OR6F1: variants seen among roughly 807,000 people sequenced by gnomAD.
OR6F1 encodes olfactory receptor 6F1.
For missense variants in OR6F1, 346 were observed against 376.0 expected (o/e 0.92, Z 0.66); for synonymous variants, 144 against 150.0 (o/e 0.96, Z 0.29).
At chr1:247,715,390 T>C (rs1660087965) in intron 1 of OR6F1, among the ~76,000 whole-genome samples, 2 of 152,212 alleles carry the variant, frequency 1.3e-5, no homozygotes, top group Admixed American at 6.5e-5. Flanking sequence ...TCAAAAATCA[T>C]TTTGATAACT....
At chr1:247,713,067 T>C (rs982073003) in intron 2 of OR6F1, among the ~76,000 whole-genome samples, 1 of 152,184 alleles carries the variant, frequency 6.6e-6, no homozygotes, top group Non-Finnish European at 1.5e-5. Flanking sequence ...AAGATTCAAC[T>C]CCAGTCTTTC....
Position 247,711,624 on chromosome 1 carries a change from G to T in OR6F1, c.*205C>A. ...CTAATTCAATGTATAATTATTTTTTGCTTAAAAATCCCATTTGCTTATGTC... is the reference window on the plus strand; with the variant it reads ...CTAATTCAATGTATAATTATTTTTTTCTTAAAAATCCCATTTGCTTATGTC... On this transcript the variant is annotated 3_prime_UTR_variant, in exon 3 of 3. Transcript: ENST00000641470. The T allele has an allele frequency of 6.6e-6, 3 of 452,682 alleles. No homozygotes were observed. Among genetic ancestry groups the T allele is most frequent in the South Asian group, 4.4e-5 (1 of 22,584 alleles). The allele number at this position is 452,682 out of a possible 1,614,324, so 28.0% of individuals were successfully genotyped here.
rs998901479 is a variant in OR6F1, at chr1:247,716,491, A to G, written c.-287T>C. On this transcript the variant is annotated 5_prime_UTR_variant, in exon 1 of 3. Coordinates refer to ENST00000641470, the MANE Select transcript of OR6F1 (RefSeq NM_001005286.2). ...TTTTCTTTGATTATCTTGCTGTTTAATAGTGTGCTTCCTTCGGTTGACATC... is the reference window on the plus strand; with the variant it reads ...TTTTCTTTGATTATCTTGCTGTTTAGTAGTGTGCTTCCTTCGGTTGACATC... 1.3e-5 allele frequency: 2 copies of G among 152,012 alleles called. No individual in the cohort carries two copies. The highest frequency in any genetic ancestry group is 4.8e-5 in the African/African-American group (2 of 41,380). The allele number at this position is 152,012 out of a possible 1,614,324, so 9.4% of individuals were successfully genotyped here. A position where few individuals can be genotyped will look rare whatever the true frequency, so the allele number is the denominator to read the frequency against.
chr1:247,712,435 T>C lies in OR6F1; in HGVS notation c.321A>G (p.Leu107=). The C allele has an allele frequency of 6.2e-7, 1 of 1,613,956 alleles. No homozygotes were observed. The highest frequency in any genetic ancestry group is 8.5e-7 in the Non-Finnish European group (1 of 1,179,782). Residue 107 remains leucine (L), a synonymous_variant, in exon 3 of 3, where the codon TTA becomes TTG. Coordinates refer to ENST00000641470, the MANE Select transcript of OR6F1 (RefSeq NM_001005286.2). Reference sequence around the variant, plus strand: ...CCAGGAGGAAGTACTCTGTGCAGCCTAATGAGAAAACAAAGTACATCTGCA... The same window carrying C: ...CCAGGAGGAAGTACTCTGTGCAGCCCAATGAGAAAACAAAGTACATCTGCA... ...CLLQMYFVFS[L]GCTEYFLLAA... is the part of the protein sequence containing the mutation.
Position 247,712,814 on chromosome 1 carries a change from A to G in OR6F1, c.-59T>C. On this transcript the variant is annotated 5_prime_UTR_variant, in exon 3 of 3. Coordinates refer to ENST00000641470, the MANE Select transcript of OR6F1 (RefSeq NM_001005286.2). ...ACTGAGCCCTTTAACCCAATCACAC[A>G]GTCCTAGAAAGATAAAAAGAATGGA... 1.2e-6 allele frequency: 1 copy of G among 821,152 alleles called. No homozygotes were observed. Among genetic ancestry groups the G allele is most frequent in the South Asian group, 1.8e-5 (1 of 56,692 alleles). 50.9% of individuals were successfully genotyped at this position (821,152 alleles called of 1,614,324 possible).
In OR6F1 at chr1:247,712,631, T is replaced by C. The variant is rs746766917; in HGVS notation, c.125A>G (p.Asn42Ser). 4 of 1,613,874 alleles carry C rather than the reference T, an allele frequency of 2.5e-6. No individual in the cohort carries two copies. The highest frequency in any genetic ancestry group is 2.2e-5 in the South Asian group (2 of 91,066). ...LVMYILTVSG[N>S]VAILMLVSTS... Reference sequence around the variant, plus strand: ...GCTCACCAACATCAAGATAGCCACATTACCACTAACTGTGAGGATGTACAT... The same window carrying C: ...GCTCACCAACATCAAGATAGCCACACTACCACTAACTGTGAGGATGTACAT... Residue 42 changes from asparagine to serine, a missense_variant, in exon 3 of 3, where the codon AAT becomes AGT. Transcript: ENST00000641470.
intron 1 of OR6F1, among the ~76,000 whole-genome samples, chr1:247,715,152 C>G (rs1397640514): frequency 6.6e-6 from 1 of 152,192 alleles, no homozygotes; most frequent in Non-Finnish European, 1.5e-5. Flanking sequence ...TCCAAGACGT[C>G]TGATTCTGGA....
Position 247,711,771 on chromosome 1 carries a change from G to A in OR6F1, c.*58C>T. On this transcript the variant is annotated 3_prime_UTR_variant, in exon 3 of 3. Coordinates refer to ENST00000641470, the MANE Select transcript of OR6F1 (RefSeq NM_001005286.2). ...GCCCTATTCCTCCACATTCTTACTT[G>A]GAACCTCTGTATAGATGCAGAGACC... The A allele has an allele frequency of 8.9e-7, 1 of 1,123,756 alleles. No individual in the cohort carries two copies. The highest frequency in any genetic ancestry group is 1.3e-6 in the Non-Finnish European group (1 of 764,924). 69.6% of individuals were successfully genotyped at this position (1,123,756 alleles called of 1,614,324 possible). A position where few individuals can be genotyped will look rare whatever the true frequency, so the allele number is the denominator to read the frequency against.
Position 247,712,800 on chromosome 1 carries a change from T to A in OR6F1, c.-45A>T, listed in dbSNP as rs987976419. The A allele has an allele frequency of 5.7e-6, 6 of 1,059,170 alleles. No homozygotes were observed. The African/African-American group carries it at 6.3e-5, about 11-fold the overall frequency. The allele number at this position is 1,059,170 out of a possible 1,614,324, so 65.6% of individuals were successfully genotyped here. On this transcript the variant is annotated 5_prime_UTR_variant, in exon 3 of 3. Transcript: ENST00000641470. The stretch of plus-strand genomic sequence containing the variant: ...AACAGAGTCCCCGCACTGAGCCCTT[T>A]AACCCAATCACACAGTCCTAGAAAG...
chr1:247,714,454 A>C (rs1655327895), intron 1 of OR6F1, among the ~76,000 whole-genome samples: 1 of 150,058 alleles, frequency 6.7e-6, no homozygotes, highest in African/African-American at 2.4e-5. Context: ...TCGCTTCTCT[A>C]CAAATTTATT....
Position 247,712,472 on chromosome 1 carries a change from G to T in OR6F1, c.284C>A (p.Thr95Lys). Residue 95 changes from threonine to lysine, a missense_variant, in exon 3 of 3, where the codon ACA becomes AAA. Thr to Lys is a moderately conservative substitution (Grantham distance 78). Coordinates refer to ENST00000641470, the MANE Select transcript of OR6F1 (RefSeq NM_001005286.2). ...LLGRSQTISFTSCLLQMYFVF... is the reference protein window; with the variant it reads ...LLGRSQTISFKSCLLQMYFVF... ...AAAGTACATCTGCAAAAGACAGCTT[G>T]TAAATGATATGGTCTGACTTCTCCC... is the stretch of plus-strand genomic sequence containing the variant. 6.2e-7 allele frequency: 1 copy of T among 1,614,160 alleles called. No individual in the cohort carries two copies. Among genetic ancestry groups the T allele is most frequent in the Non-Finnish European group, 8.5e-7 (1 of 1,179,982 alleles).
rs1660005757 is a variant in OR6F1 at position 247,711,817 on chromosome 1, G to C, written c.*12C>G. ...AGACCATTTACAGGACATCTGTTGT[G>C]GTAGAGGAGATTTATTTTCCCTTCC... On this transcript the variant is annotated 3_prime_UTR_variant, in exon 3 of 3. Transcript: ENST00000641470. 2 of 1,561,986 alleles carry C rather than the reference G, an allele frequency of 1.3e-6. No individual in the cohort carries two copies. The highest frequency in any genetic ancestry group is 1.4e-5 in the African/African-American group (1 of 73,896).
rs1558302242 is a variant in OR6F1 at position 247,712,361 on chromosome 1, T to C, written c.395A>G (p.Tyr132Cys). 1 of 1,614,088 alleles carries C rather than the reference T, an allele frequency of 6.2e-7. No homozygotes were observed. The change falls in exon 3 of 3, where the codon TAC becomes TGC. Residue 132 changes from tyrosine (Y) to cysteine (C), a missense_variant. Tyr to Cys is a radical substitution (Grantham distance 194). Coordinates refer to ENST00000641470, the MANE Select transcript of OR6F1 (RefSeq NM_001005286.2). Reference protein sequence around the residue: ...RCLAICYPLHYGAIMSSLLSA... With the variant: ...RCLAICYPLHCGAIMSSLLSA... ...GAGCAGGCTACTCATGATGGCTCCG[T>C]AGTGTAAAGGATAGCAGATGGCAAG...
At position 247,711,708 on chromosome 1, in the gene OR6F1, T is replaced by C; in HGVS notation, c.*121A>G. On this transcript the variant is annotated 3_prime_UTR_variant, in exon 3 of 3. Transcript: ENST00000641470. The stretch of plus-strand genomic sequence containing the variant: ...ATAGAAAATACAGTATTGCTTGTTT[T>C]GTTTGTTTGTTTTTTCTCTGTGTAC... The C allele has an allele frequency of 1.5e-6, 1 of 667,644 alleles. No homozygotes were observed. Among genetic ancestry groups the C allele is most frequent in the Non-Finnish European group, 2.6e-6 (1 of 382,368 alleles). 41.4% of individuals were successfully genotyped at this position (667,644 alleles called of 1,614,324 possible). A position where few individuals can be genotyped will look rare whatever the true frequency, so the allele number is the denominator to read the frequency against.
At chr1:247,714,059 A>C in intron 1 of OR6F1, 105 bp from the exon 2 acceptor site, 2 of 398,012 alleles carry the variant, frequency 5.0e-6, no homozygotes, top group Non-Finnish European at 8.9e-6. Context: ...AGGACCATAC[A>C]CTGAGAAGCA....
chr1:247,715,769 T>A (rs1431568978), intron 1 of OR6F1, among the ~76,000 whole-genome samples: 1 of 152,228 alleles, frequency 6.6e-6, no homozygotes. Context: ...TGTTTGAGTA[T>A]AAGTAATTTT....
Position 247,711,535 on chromosome 1 carries a change from A to T in OR6F1, c.*294T>A, listed in dbSNP as rs941332567. 1 of 227,646 alleles carries T rather than the reference A, an allele frequency of 4.4e-6. No homozygotes were observed. Among genetic ancestry groups the T allele is most frequent in the African/African-American group, 2.3e-5 (1 of 44,038 alleles). 14.1% of individuals were successfully genotyped at this position (227,646 alleles called of 1,614,324 possible). On this transcript the variant is annotated 3_prime_UTR_variant, in exon 3 of 3. Transcript: ENST00000641470. ...AAAAAGAAACAAGAATTTAGAGCTGATATACCAAAGCACTCTTTTTATTGC... is the reference window on the plus strand; with the variant it reads ...AAAAAGAAACAAGAATTTAGAGCTGTTATACCAAAGCACTCTTTTTATTGC...
Position 247,712,134 on chromosome 1 carries a change from G to A in OR6F1, c.622C>T (p.Leu208=). ...VAFVIAVVVI[L]SSCLITFVSY... is the part of the protein sequence containing the mutation. ...ACAAAGGTGATGAGGCATGAACTCA[G>A]GATAACCACAACAGCAATCACAAAG... The change falls in exon 3 of 3, where the codon CTG becomes TTG. Residue 208 remains leucine, a synonymous_variant. Coordinates refer to ENST00000641470, the MANE Select transcript of OR6F1 (RefSeq NM_001005286.2). 1 of 1,614,216 alleles carries A rather than the reference G, an allele frequency of 6.2e-7. No homozygotes were observed. Among genetic ancestry groups the A allele is most frequent in the Non-Finnish European group, 8.5e-7 (1 of 1,180,026 alleles).
chr1:247,712,714 T>A lies in OR6F1; in HGVS notation c.42A>T (p.Leu14Phe), dbSNP rs759749320. ...GNKTLPQDFL[L>F]LGFPGSQTLQ... ...GAGTTTGAGAACCAGGAAAGCCCAG[T>A]AAGAGAAAGTCCTGGGGCAGAGTTT... The change falls in exon 3 of 3, where the codon TTA (leucine) becomes TTT (phenylalanine). Residue 14 changes from leucine to phenylalanine, a missense_variant. Coordinates refer to ENST00000641470, the MANE Select transcript of OR6F1 (RefSeq NM_001005286.2). 4 of 1,607,912 alleles carry A rather than the reference T, an allele frequency of 2.5e-6. No homozygotes were observed. The Admixed American group carries it at 6.7e-5, about 27-fold the overall frequency.
Sources: gnomAD v4.1 joint callset for allele counts (sites outside exome capture counted in the v4.1 genomes callset) on GRCh38, gnomAD v4.1.1 for gene constraint, MANE v1.5 for transcripts, NCBI Gene and HGNC (gene_info 2026-07-23, HGNC 2026-07-21) for gene names.